The following ZPBP variants were observed in gnomAD, a reference collection of about 807,000 sequenced individuals.
ZPBP encodes the protein zona pellucida-binding protein 1.
ZPBP carries 26 observed loss-of-function variants against 44.8 expected under a neutral mutation model. That is an observed-to-expected ratio of 0.58 (90% confidence interval 0.43 to 0.81). The LOEUF (loss-of-function observed/expected upper bound fraction) is 0.81, where lower values mean the gene tolerates loss of function less well. Ranked by LOEUF, ZPBP falls within the 30% of genes least tolerant of loss-of-function variation. ZPBP has a pLI of 0.00. For synonymous variants in ZPBP, 174 were observed against 153.2 expected (o/e 1.14, Z -1.00); for missense variants, 409 against 434.0 (o/e 0.94, Z 0.51).
chr7:50,092,871 C>T (rs1803061824), intron 1 of ZPBP, 197 bp downstream of exon 1: 2 of 768,660 alleles, frequency 2.6e-6, no homozygotes, highest in African/African-American at 1.9e-5. Context: ...ACCTTAATTT[C>T]CTGTCATTCA....
chr7:50,027,813 T>C (rs970549548), intron 5 of ZPBP, among the ~76,000 whole-genome samples: 8 of 151,990 alleles, frequency 5.3e-5, no homozygotes, highest in Non-Finnish European at 1.2e-4. Context: ...TTAAGTAACC[T>C]AAATGAAATA....
In ZPBP at chr7:49,876,654, T is replaced by TA. The variant is rs1367717388; in HGVS notation, n.509+24463_509+24464insT. Among the ~76,000 whole-genome samples, 4 of 152,280 alleles carry TA rather than the reference T, an allele frequency of 2.6e-5. No homozygotes were observed. The East Asian group carries it at 5.8e-4, about 22-fold the overall frequency. On this transcript the variant is annotated intron_variant and non_coding_transcript_variant, in intron 2 of 2. Transcript: ENST00000465922. ...AAGGGAAGAATTGCCTTGTTGTTTT[T>TA]TAGAAGACTTGACATTTTACCCTAT... is the stretch of plus-strand genomic sequence containing the variant.
At chr7:50,072,411 A>T (rs575919991) in intron 3 of ZPBP, among the ~76,000 whole-genome samples, 3 of 152,328 alleles carry the variant, frequency 2.0e-5, no homozygotes, top group Admixed American at 2.0e-4. Context: ...TGAACCCACC[A>T]AGGGATTGGG....
Position 50,009,879 on chromosome 7 carries a change from G to A in ZPBP, c.783+8361C>T, listed in dbSNP as rs553811710. ...TTGAAAACCAAAATTAAAACATAAC[G>A]TTCTTCAAAATAACTCCAAAGAAGA... On this transcript the variant is annotated intron_variant, in intron 6 of 7. Transcript: ENST00000046087. Among the ~76,000 whole-genome samples the A allele has an allele frequency of 1.8e-4, 27 of 151,790 alleles. 1 individual carries two copies. In the South Asian group the frequency reaches 3.3e-3, roughly 19 times the overall value.
chr7:49,998,460 A>C (rs1349069464), intron 6 of ZPBP, among the ~76,000 whole-genome samples: 2 of 152,360 alleles, frequency 1.3e-5, no homozygotes, highest in South Asian at 2.1e-4. Context: ...CATTAGGAAA[A>C]AATAAGAAAT....
intron 6 of ZPBP, among the ~76,000 whole-genome samples, chr7:49,993,315 T>C (rs938936051): frequency 3.3e-5 from 5 of 151,988 alleles, no homozygotes; most frequent in African/African-American, 1.2e-4. Context: ...AATCATTTTT[T>C]AAAAGACACA....
rs1406532338 is a variant in ZPBP at position 49,903,885 on chromosome 7, G to A, written n.412-2670C>T. ...GACTTCCAAGAGGAAAGACTGGCTG[G>A]TGGCAGATGCGCTGGATTTTATATT... On this transcript the variant is annotated intron_variant and non_coding_transcript_variant, in intron 1 of 2. Coordinates refer to the ZPBP transcript ENST00000465922. Among the ~76,000 whole-genome samples the A allele has an allele frequency of 3.9e-5, 6 of 152,248 alleles. No individual in the cohort carries two copies. In the South Asian group the frequency reaches 1.2e-3, roughly 32 times the overall value.
At chr7:50,076,259 G>A (rs1802074398) in intron 3 of ZPBP, among the ~76,000 whole-genome samples, 6 of 151,650 alleles carry the variant, frequency 4.0e-5, no homozygotes, top group Admixed American at 2.6e-4. Flanking sequence ...GAGTATAGAA[G>A]GAACACACCT....
intron 4 of ZPBP, among the ~76,000 whole-genome samples, chr7:50,044,685 C>CA (rs1800259848): frequency 6.6e-6 from 1 of 151,942 alleles, no homozygotes; most frequent in South Asian, 2.1e-4. Flanking sequence ...GTCTACCAAC[C>CA]AAAAAAAGCC....
intron 2 of ZPBP, among the ~76,000 whole-genome samples, chr7:49,884,373 C>T (rs944746750): frequency 6.6e-6 from 1 of 152,124 alleles, no homozygotes; most frequent in Non-Finnish European, 1.5e-5. Flanking sequence ...GTGCTACAGC[C>T]GAGGAGAACA....
Position 50,070,438 on chromosome 7 carries a change from C to T in ZPBP, c.334+11336G>A, listed in dbSNP as rs151062464. ...TCTGCTGCACTGCCAGGCAGGGTGC[C>T]GGGACGCAGGAGAGCCAGTTTTCAT... is the stretch of plus-strand genomic sequence containing the variant. On this transcript the variant is annotated intron_variant, in intron 3 of 7. Transcript: ENST00000046087. Among the ~76,000 whole-genome samples the T allele has an allele frequency of 3.6e-3, 554 of 152,288 alleles. 2 individuals carry two copies. Among genetic ancestry groups the T allele is most frequent in the Middle Eastern group, 0.01 (3 of 294 alleles).
intron 4 of ZPBP, among the ~76,000 whole-genome samples, chr7:50,054,359 T>C (rs1800830916): frequency 6.6e-6 from 1 of 151,992 alleles, no homozygotes; most frequent in Non-Finnish European, 1.5e-5. Flanking sequence ...GTATCCAGAA[T>C]AGCAAAATAT....
At chr7:50,050,890 A>G (rs545680712) in intron 4 of ZPBP, among the ~76,000 whole-genome samples, 1 of 151,948 alleles carries the variant, frequency 6.6e-6, no homozygotes, top group African/African-American at 2.4e-5. Flanking sequence ...AGATTTCATG[A>G]CAAAAATGCA....
At chr7:49,954,836 G>A (rs1795506030) in intron 7 of ZPBP, among the ~76,000 whole-genome samples, 1 of 151,998 alleles carries the variant, frequency 6.6e-6, no homozygotes, top group African/African-American at 2.4e-5. Flanking sequence ...AAAAAACAGG[G>A]ATATAGAAGA....
intron 6 of ZPBP, among the ~76,000 whole-genome samples, chr7:49,987,317 C>T (rs1035029570): frequency 1.3e-5 from 2 of 152,118 alleles, no homozygotes; most frequent in Non-Finnish European, 2.9e-5. Context: ...TCTTCCTAAA[C>T]TTTATTTTCC....
chr7:49,972,879 C>T (rs1225639395), intron 7 of ZPBP, among the ~76,000 whole-genome samples: 1 of 151,582 alleles, frequency 6.6e-6, no homozygotes, highest in Non-Finnish European at 1.5e-5. Context: ...GGCAGACATA[C>T]AGACCAATGG....
chr7:49,847,717 C>T (rs1789999669), downstream of ZPBP, among the ~76,000 whole-genome samples: 1 of 152,152 alleles, frequency 6.6e-6, no homozygotes, highest in East Asian at 1.9e-4. Context: ...AGGGGTGAGG[C>T]GGGCTTAGGA....
At chr7:49,844,683 TTTTTTA>T in the ZPBP span, among the ~76,000 whole-genome samples, 1 of 152,116 alleles carries the variant, frequency 6.6e-6, no homozygotes, top group African/African-American at 2.4e-5. Flanking sequence ...GGCAAGTCAC[TTTTTTA>T]TTTTTATTTT....
chr7:49,986,054 T>G (rs923524761), intron 6 of ZPBP, among the ~76,000 whole-genome samples: 2 of 152,192 alleles, frequency 1.3e-5, no homozygotes, highest in East Asian at 3.8e-4. Flanking sequence ...TTTTTCCTGG[T>G]TGTGTGATAA....
Sources: gnomAD v4.1 joint callset for allele counts (sites outside exome capture counted in the v4.1 genomes callset) on GRCh38, gnomAD v4.1.1 for gene constraint, MANE v1.5 for transcripts, NCBI Gene and HGNC (gene_info 2026-07-23, HGNC 2026-07-21) for gene names.